The following PRKCA variants were observed in gnomAD, a reference collection of about 807,000 sequenced individuals.
PRKCA encodes protein kinase C alpha, also known as protein kinase C alpha type.
In PRKCA, 27 loss-of-function variants were observed where a neutral mutation model predicts 87.0. That is an observed-to-expected ratio of 0.31 (90% CI 0.23 to 0.43). The LOEUF (loss-of-function observed/expected upper bound fraction) is 0.43, where lower values mean the gene tolerates loss of function less well. Ranked by LOEUF, PRKCA falls within the 20% of genes least tolerant of loss-of-function variation. The pLI, the probability that PRKCA is intolerant of heterozygous loss-of-function variation, is 1.00. For missense variants in PRKCA, 518 were observed against 852.3 expected, an observed-to-expected ratio of 0.61 and a Z score of 4.88; for synonymous variants, 329 against 311.1, an observed-to-expected ratio of 1.06 and a Z score of -0.61.
intron 2 of PRKCA, among the ~76,000 whole-genome samples, chr17:66,429,334 A>G (rs1912981643): frequency 6.6e-6 from 1 of 152,254 alleles, no homozygotes; most frequent in Non-Finnish European, 1.5e-5. Context: ...TGAACGTAAT[A>G]CATGTGTCTG....
chr17:66,665,224 C>T (rs1480644026), intron 5 of PRKCA, among the ~76,000 whole-genome samples: 6 of 152,066 alleles, frequency 3.9e-5, no homozygotes, highest in African/African-American at 1.4e-4. Flanking sequence ...TTAAACGGTT[C>T]CTATTGCATG....
At chr17:66,735,258 C>T (rs1973997410) in intron 9 of PRKCA, among the ~76,000 whole-genome samples, 1 of 152,172 alleles carries the variant, frequency 6.6e-6, no homozygotes, top group Non-Finnish European at 1.5e-5. Context: ...TGGCAGTGGC[C>T]TATACCATTT....
At chr17:66,443,495 G>T (rs917482961) in intron 2 of PRKCA, among the ~76,000 whole-genome samples, 1 of 152,164 alleles carries the variant, frequency 6.6e-6, no homozygotes, top group African/African-American at 2.4e-5. Flanking sequence ...ATGGAAGAAT[G>T]AACTTGACTC....
chr17:66,731,261 T>A (rs543885257), intron 8 of PRKCA, among the ~76,000 whole-genome samples: 1 of 150,430 alleles, frequency 6.6e-6, no homozygotes, highest in South Asian at 2.1e-4. Flanking sequence ...GGAGAATCGC[T>A]TGAACCTGGG....
At chr17:66,595,984 G>T (rs1405519453) in intron 3 of PRKCA, among the ~76,000 whole-genome samples, 1 of 152,258 alleles carries the variant, frequency 6.6e-6, no homozygotes, top group Non-Finnish European at 1.5e-5. Context: ...AGAAGTGCTA[G>T]AAAGAGAGCT....
At chr17:66,723,611 G>A (rs76896881) in intron 8 of PRKCA, among the ~76,000 whole-genome samples, 2 of 149,384 alleles carry the variant, frequency 1.3e-5, no homozygotes, top group Admixed American at 6.7e-5. Flanking sequence ...CTGGTGAACA[G>A]AGTGAGACTC....
intron 3 of PRKCA, among the ~76,000 whole-genome samples, chr17:66,508,529 G>T (rs1250750878): frequency 6.6e-6 from 1 of 152,134 alleles, no homozygotes; most frequent in East Asian, 1.9e-4. Flanking sequence ...TATTCTCCGT[G>T]CATCTCTTCC....
chr17:66,756,683 AT>A (rs1377853934), intron 13 of PRKCA, among the ~76,000 whole-genome samples: 1 of 151,756 alleles, frequency 6.6e-6, no homozygotes, highest in Admixed American at 6.6e-5. Flanking sequence ...TGTTTTGGAG[AT>A]GGAGTCTTGC....
In PRKCA at chr17:66,602,596, A is replaced by C. The variant is rs532709506; in HGVS notation, c.289-38759A>C. On this transcript the variant is annotated intron_variant, in intron 3 of 16. Transcript: ENST00000413366. ...ATTCGGCCATCTTGGCTCCTCCTCCAAAAATATTAAACTTAAAACAATTTC... is the reference window on the plus strand; with the variant it reads ...ATTCGGCCATCTTGGCTCCTCCTCCCAAAATATTAAACTTAAAACAATTTC... Among the ~76,000 whole-genome samples, 160 of 152,262 alleles carry C rather than the reference A, an allele frequency of 1.1e-3. 1 individual carries two copies. Among genetic ancestry groups the C allele is most frequent in the Non-Finnish European group, 8.2e-4 (56 of 68,012 alleles).
At chr17:66,568,791 A>G (rs1968976603) in intron 3 of PRKCA, among the ~76,000 whole-genome samples, 1 of 152,204 alleles carries the variant, frequency 6.6e-6, no homozygotes. Flanking sequence ...GATGAAATTG[A>G]GAACAAAGCC....
chr17:66,695,161 G>A (rs569174975), intron 8 of PRKCA, among the ~76,000 whole-genome samples: 1 of 152,140 alleles, frequency 6.6e-6, no homozygotes, highest in South Asian at 2.1e-4. Flanking sequence ...TCTTCCCTAG[G>A]GCTGTTTACT....
At chr17:66,748,754 C>T (rs1312229137) in intron 13 of PRKCA, among the ~76,000 whole-genome samples, 1 of 151,998 alleles carries the variant, frequency 6.6e-6, no homozygotes, top group East Asian at 1.9e-4. Context: ...GGAAGGCAGG[C>T]TGAAGGAAGC....
In PRKCA at chr17:66,709,979, C is replaced by T. The variant is rs1179648900; in HGVS notation, c.918+20932C>T. Among the ~76,000 whole-genome samples, 6 of 152,142 alleles carry T rather than the reference C, an allele frequency of 3.9e-5. No homozygotes were observed. The South Asian group carries it at 1.0e-3, about 26-fold the overall frequency. ...GCACCTTGCTATGTGCTACCTCAAA[C>T]GAGTCGATTCGCCAAATACTCCAGG... On this transcript the variant is annotated intron_variant, in intron 8 of 16. Coordinates refer to ENST00000413366, the MANE Select transcript of PRKCA (RefSeq NM_002737.3).
chr17:66,773,382 A>G (rs1974982294), intron 13 of PRKCA, among the ~76,000 whole-genome samples: 1 of 152,044 alleles, frequency 6.6e-6, no homozygotes, highest in South Asian at 2.1e-4. Context: ...ACACAAGAAA[A>G]CTATAATGTT....
intron 16 of PRKCA, among the ~76,000 whole-genome samples, chr17:66,798,407 A>ATGGTGGTGG (rs1975727297): frequency 2.1e-5 from 1 of 47,534 alleles, no homozygotes; most frequent in African/African-American, 1.0e-4. Context: ...GGTGGTGGTG[A>ATGGTGGTGG]TGGTGATGGT....
chr17:66,485,186 A>G (rs942328486), intron 2 of PRKCA, among the ~76,000 whole-genome samples: 1 of 152,188 alleles, frequency 6.6e-6, no homozygotes, highest in African/African-American at 2.4e-5. Flanking sequence ...ATCAGTAAAC[A>G]TTTGCTGAAT....
At chr17:66,425,997 A>G (rs1912783375) in intron 2 of PRKCA, among the ~76,000 whole-genome samples, 1 of 152,102 alleles carries the variant, frequency 6.6e-6, no homozygotes, top group African/African-American at 2.4e-5. Context: ...TGGGCAAGGG[A>G]TGATGTAGCA....
intron 3 of PRKCA, among the ~76,000 whole-genome samples, chr17:66,633,289 C>CT (rs375915229): frequency 6.6e-6 from 1 of 151,892 alleles, no homozygotes; most frequent in Admixed American, 6.6e-5. Flanking sequence ...TTAAATAGGT[C>CT]TTTTTTTATA....
chr17:66,421,180 T>C (rs1322273826), intron 2 of PRKCA, among the ~76,000 whole-genome samples: 1 of 152,210 alleles, frequency 6.6e-6, no homozygotes, highest in African/African-American at 2.4e-5. Context: ...CATACTGCCT[T>C]CTGCTTTTGC....
Sources: gnomAD v4.1 joint callset for allele counts (sites outside exome capture counted in the v4.1 genomes callset) on GRCh38, gnomAD v4.1.1 for gene constraint, MANE v1.5 for transcripts, NCBI Gene and HGNC (gene_info 2026-07-23, HGNC 2026-07-21) for gene names.